The following YES1 variants were observed in gnomAD, a reference collection of about 807,000 sequenced individuals.
YES1 encodes the protein YES proto-oncogene 1, Src family tyrosine kinase.
In YES1, 39 loss-of-function variants were observed where a neutral mutation model predicts 70.4. That is an observed-to-expected ratio of 0.55 (90% CI 0.43 to 0.72). The LOEUF is 0.72. Ranked by LOEUF, YES1 falls within the 30% of genes least tolerant of loss-of-function variation. The pLI is 0.00. For missense variants in YES1, 495 were observed against 644.8 expected (o/e 0.77, Z 2.52); for synonymous variants, 198 against 218.6 (o/e 0.91, Z 0.83).
chr18:725,785 C>G (rs1236187922), intron 11 of YES1, among the ~76,000 whole-genome samples: 1 of 152,130 alleles, frequency 6.6e-6, no homozygotes, highest in Non-Finnish European at 1.5e-5. Context: ...ACTTGGGAAG[C>G]TGAGGTGGGA....
At chr18:788,509 G>A (rs1906078781) in intron 1 of YES1, among the ~76,000 whole-genome samples, 1 of 152,046 alleles carries the variant, frequency 6.6e-6, no homozygotes, top group South Asian at 2.1e-4. Flanking sequence ...TCAAAGTTTA[G>A]CACATACACG....
At chr18:730,444 A>G (rs1307552650) in intron 11 of YES1, among the ~76,000 whole-genome samples, 1 of 151,240 alleles carries the variant, frequency 6.6e-6, no homozygotes, top group South Asian at 2.1e-4. Context: ...TCCTGGGCTC[A>G]AGCGATCCAC....
At chr18:765,627 T>A (rs1037274355) in intron 1 of YES1, among the ~76,000 whole-genome samples, 1 of 152,046 alleles carries the variant, frequency 6.6e-6, no homozygotes, top group African/African-American at 2.4e-5. Flanking sequence ...CTCGAACGCC[T>A]GACCTTGTGA....
At position 731,768 on chromosome 18, in the gene YES1, C is replaced by T. The variant is rs1030198810; in HGVS notation, c.1423+1066G>A. ...AGATCACAAGGTCAGGAGATCGAGA[C>T]CATCCTGGTTAACACGGTGAAACCC... On this transcript the variant is annotated intron_variant, in intron 11 of 11. Coordinates refer to ENST00000314574, the MANE Select transcript of YES1 (RefSeq NM_005433.4). Among the ~76,000 whole-genome samples the T allele has an allele frequency of 9.9e-5, 15 of 151,462 alleles. 1 individual carries two copies. The East Asian group carries it at 1.8e-3, about 18-fold the overall frequency.
Position 726,280 on chromosome 18 carries a change from C to G in YES1, c.1424-1648G>C, listed in dbSNP as rs533117143. Among the ~76,000 whole-genome samples, 10 of 151,898 alleles carry G rather than the reference C, an allele frequency of 6.6e-5. 1 individual carries two copies. The South Asian group carries it at 2.1e-3, about 32-fold the overall frequency. ...CTCTACTAAAAATACAAAAAATTAG[C>G]TGGGCGTGGTGGTGGGCATCTGTAG... On this transcript the variant is annotated intron_variant, in intron 11 of 11. Transcript: ENST00000314574.
chr18:733,705 C>G (rs1237431364), intron 10 of YES1, among the ~76,000 whole-genome samples: 1 of 142,792 alleles, frequency 7.0e-6, no homozygotes. Context: ...ATGGTGTGAA[C>G]CCAGGAGGCG....
Position 756,755 on chromosome 18 carries a change from C to G in YES1, c.73G>C (p.Val25Leu), listed in dbSNP as rs1200937757. The change falls in exon 2 of 12, where the codon GTC becomes CTC. Residue 25 changes from valine (V) to leucine (L), a missense_variant. Val to Leu is a conservative substitution (Grantham distance 32). Around this residue, in one of 2 missense-constraint regions of YES1, gnomAD observed 110 missense variants for 104.0 expected, o/e 1.06. Coordinates refer to ENST00000314574, the MANE Select transcript of YES1 (RefSeq NM_005433.4). ...CCATAATGGCTCACACTTGTACTGACAGGCTCTGGAGTATTTTCAGGTCTG... is the reference window on the plus strand; with the variant it reads ...CCATAATGGCTCACACTTGTACTGAGAGGCTCTGGAGTATTTTCAGGTCTG... ...KYRPENTPEP[V>L]STSVSHYGAE... The G allele has an allele frequency of 1.2e-6, 2 of 1,614,204 alleles. No homozygotes were observed.
intron 11 of YES1, among the ~76,000 whole-genome samples, chr18:725,328 G>A (rs2080004715): frequency 6.6e-6 from 1 of 152,016 alleles, no homozygotes; most frequent in Admixed American, 6.6e-5. Context: ...TTCCCTGCCT[G>A]CAAGTCAGGC....
intron 6 of YES1, among the ~76,000 whole-genome samples, chr18:744,153 T>TA (rs1457835687): frequency 6.6e-6 from 1 of 151,780 alleles, no homozygotes; most frequent in Non-Finnish European, 1.5e-5. Context: ...ATCTCATATA[T>TA]AAATGAAGCT....
Position 802,874 on chromosome 18 carries a change from G to A in YES1, c.-9+9240C>T, listed in dbSNP as rs184723473. ...GAGGCAAGTGGATCGCTTGAGCCCA[G>A]GAGTTCGAGACAGCCTGGGCAACAA... is the stretch of plus-strand genomic sequence containing the variant. On this transcript the variant is annotated intron_variant, in intron 1 of 11. Coordinates refer to ENST00000314574, the MANE Select transcript of YES1 (RefSeq NM_005433.4). Among the ~76,000 whole-genome samples the A allele has an allele frequency of 7.9e-5, 12 of 151,560 alleles. No individual in the cohort carries two copies. In the East Asian group the frequency reaches 2.4e-3, roughly 30 times the overall value.
At chr18:777,667 C>T (rs979876454) in intron 1 of YES1, among the ~76,000 whole-genome samples, 2 of 151,800 alleles carry the variant, frequency 1.3e-5, no homozygotes, top group Admixed American at 6.6e-5. Flanking sequence ...ATCAGCCAGG[C>T]ATGGTGGTGT....
chr18:731,547 T>C (rs1490533265), intron 11 of YES1, among the ~76,000 whole-genome samples: 4 of 152,230 alleles, frequency 2.6e-5, no homozygotes, highest in African/African-American at 9.6e-5. Context: ...TTAAATTTTA[T>C]ATGCTTTCAC....
intron 10 of YES1, among the ~76,000 whole-genome samples, chr18:734,980 A>G (rs2080135412): frequency 6.6e-6 from 1 of 152,062 alleles, no homozygotes; most frequent in African/African-American, 2.4e-5. Flanking sequence ...CAACATGGTG[A>G]AACCGTGTCT....
intron 1 of YES1, among the ~76,000 whole-genome samples, chr18:772,518 C>T (rs542392749): frequency 2.7e-5 from 4 of 150,882 alleles, no homozygotes; most frequent in East Asian, 4.0e-4. Flanking sequence ...CTGCAACCTC[C>T]GCCTCCTGGG....
intron 1 of YES1, among the ~76,000 whole-genome samples, chr18:795,774 G>A (rs1400399566): frequency 2.0e-5 from 3 of 151,616 alleles, no homozygotes; most frequent in Admixed American, 6.6e-5. Flanking sequence ...GGGAAGGGGA[G>A]GGAGAGCATT....
At chr18:749,622 G>A (rs941783677) in intron 3 of YES1, among the ~76,000 whole-genome samples, 1 of 152,044 alleles carries the variant, frequency 6.6e-6, no homozygotes, top group Non-Finnish European at 1.5e-5. Flanking sequence ...TTGGGAGACC[G>A]AGGCAGGCGG....
At chr18:731,738 C>T (rs1234877791) in intron 11 of YES1, among the ~76,000 whole-genome samples, 7 of 152,076 alleles carry the variant, frequency 4.6e-5, no homozygotes, top group Admixed American at 6.6e-5. Flanking sequence ...GAGGCCGAGG[C>T]GGGCAGATCA....
intron 8 of YES1, among the ~76,000 whole-genome samples, chr18:741,011 C>A (rs1296475360): frequency 1.3e-5 from 2 of 152,172 alleles, no homozygotes; most frequent in Non-Finnish European, 2.9e-5. Flanking sequence ...CATTCTCGTG[C>A]CTCAGCCTCC....
chr18:799,024 G>C (rs529101524), intron 1 of YES1, among the ~76,000 whole-genome samples: 1 of 152,304 alleles, frequency 6.6e-6, no homozygotes, highest in African/African-American at 2.4e-5. Context: ...AAATTAGTCA[G>C]ATGCTCTGCT....
Sources: gnomAD v4.1 joint callset for allele counts (sites outside exome capture counted in the v4.1 genomes callset) on GRCh38, gnomAD v4.1.1 for gene constraint, gnomAD v4.1.1 regional missense constraint, MANE v1.5 for transcripts, NCBI Gene and HGNC (gene_info 2026-07-23, HGNC 2026-07-21) for gene names.